Variants in COL4A5 observed in about 807,000 individuals in gnomAD.
The protein encoded by COL4A5 is collagen alpha-5(IV) chain.
COL4A5 carries 26 observed loss-of-function variants against 130.2 expected under a neutral mutation model. The observed-to-expected ratio is 0.20, with a 90% CI of 0.15 to 0.28. COL4A5 has a LOEUF of 0.28. Ranked by LOEUF, COL4A5 falls within the 10% of genes least tolerant of loss-of-function variation. COL4A5 has a pLI of 1.00. For missense variants in COL4A5, 1,131 were observed against 1,344.3 expected, an observed-to-expected ratio of 0.84 and a Z score of 2.48; for synonymous variants, 496 against 439.6, an observed-to-expected ratio of 1.13 and a Z score of -1.60.
chrX:108,695,022 A>G (rs1256677436), intron 51 of COL4A5, 101 bp downstream of exon 51: 4 of 729,468 alleles, frequency 5.5e-6, no homozygotes, highest in Non-Finnish European at 8.6e-6. Context: ...CATAATAAGA[A>G]GCTTAAACTT....
At chrX:108,463,138 C>G (rs1478477872) in intron 1 of COL4A5, 1 of 111,622 alleles carries the variant, frequency 9.0e-6, no homozygotes, top group Non-Finnish European at 1.9e-5. Context: ...CTTTAAGATA[C>G]AAATTCCTTC....
At chrX:108,641,619 G>A (rs773581640) in intron 36 of COL4A5, among the ~76,000 whole-genome samples, 23 of 111,987 alleles carry the variant, frequency 2.1e-4, no homozygotes, top group South Asian at 1.9e-3. Context: ...AATACACACC[G>A]CCACTGGAGA....
At chrX:108,458,689 G>A (rs984614783) in intron 1 of COL4A5, among the ~76,000 whole-genome samples, 2 of 111,866 alleles carry the variant, frequency 1.8e-5, no homozygotes, top group African/African-American at 6.5e-5. Flanking sequence ...CGTTTATTAA[G>A]ATCATCTTTG....
chrX:108,691,574 G>A lies in COL4A5; in HGVS notation c.4529-1174G>A, dbSNP rs1039276420. On this transcript the variant is annotated intron_variant, in intron 49 of 52. Transcript: ENST00000328300. ...CAGGTCAAAATAAAACATTTAACAC[G>A]TAAAGTCTTATAGTCACAAAGTTTT... is the stretch of plus-strand genomic sequence containing the variant. Among the ~76,000 whole-genome samples, 15 of 110,404 alleles carry A rather than the reference G, an allele frequency of 1.4e-4. 1 individual carries two copies. The highest frequency in any genetic ancestry group is 1.1e-3 in the Admixed American group (11 of 10,307).
intron 34 of COL4A5, 24 bp downstream of exon 34, chrX:108,624,358 G>A (rs1455685328): frequency 1.4e-5 from 15 of 1,046,485 alleles, no homozygotes; most frequent in African/African-American, 1.8e-5. Flanking sequence ...GCCATTTGTA[G>A]CAATTGCTTA....
intron 1 of COL4A5, among the ~76,000 whole-genome samples, chrX:108,536,407 C>T (rs2065457956): frequency 1.8e-5 from 2 of 110,890 alleles, no homozygotes; most frequent in Non-Finnish European, 1.9e-5. Flanking sequence ...TTTCCTTACT[C>T]ATTTATTACT....
intron 1 of COL4A5, among the ~76,000 whole-genome samples, chrX:108,517,956 G>T (rs1447424323): frequency 1.8e-5 from 2 of 110,309 alleles, no homozygotes; most frequent in Non-Finnish European, 3.8e-5. Flanking sequence ...GGGTTTTAAA[G>T]TTCTTCTGGG....
Position 108,620,246 on chromosome X carries a change from T to C in COL4A5, c.2510-13T>C, listed in dbSNP as rs1429791510. 1 of 1,184,014 alleles carries C rather than the reference T, an allele frequency of 8.4e-7. No homozygotes were observed. Among genetic ancestry groups the C allele is most frequent in the Admixed American group, 2.2e-5 (1 of 45,889 alleles). ...GCTTCAGTACTTATTAATATTGATA[T>C]TGTATTAACTAGGTTTACATGGAAT... On this transcript the variant is annotated splice_polypyrimidine_tract_variant and intron_variant, in intron 30 of 52. Transcript: ENST00000328300.
intron 49 of COL4A5, among the ~76,000 whole-genome samples, chrX:108,688,416 TTTG>T (rs765508920): frequency 9.1e-6 from 1 of 109,455 alleles, no homozygotes; most frequent in Non-Finnish European, 1.9e-5. Context: ...GGGGCTGCAT[TTTG>T]TTGTTGTTGT....
intron 1 of COL4A5, among the ~76,000 whole-genome samples, chrX:108,458,267 C>A (rs1184455082): frequency 9.0e-6 from 1 of 111,474 alleles, no homozygotes. Flanking sequence ...CAGTTTTTAT[C>A]CCATGTGTTT....
At chrX:108,567,034 C>T (rs747698918) in intron 4 of COL4A5, among the ~76,000 whole-genome samples, 7 of 111,651 alleles carry the variant, frequency 6.3e-5, no homozygotes, top group Admixed American at 1.9e-4. Flanking sequence ...TTCTTATTTG[C>T]TTTTTCCTAC....
In COL4A5 at chrX:108,531,905, A is replaced by T. The variant is rs771503632; in HGVS notation, c.82-7841A>T. On this transcript the variant is annotated intron_variant, in intron 1 of 52. Transcript: ENST00000328300. ...GAATCAGGAAGAAATAGAAAACCTG[A>T]ACAGACCAATAATGAGTAGTGAGAT... is the stretch of plus-strand genomic sequence containing the variant. Among the ~76,000 whole-genome samples the T allele has an allele frequency of 5.4e-5, 6 of 111,815 alleles. No individual in the cohort carries two copies. In the East Asian group the frequency reaches 1.7e-3, roughly 31 times the overall value.
chrX:108,484,253 A>C (rs1469311603), intron 1 of COL4A5, among the ~76,000 whole-genome samples: 1 of 112,160 alleles, frequency 8.9e-6, no homozygotes, highest in Admixed American at 9.5e-5. Context: ...GAGATTCCTC[A>C]TCACATCTAT....
chrX:108,662,975 A>G (rs1292683832), intron 37 of COL4A5, among the ~76,000 whole-genome samples: 1 of 112,312 alleles, frequency 8.9e-6, no homozygotes, highest in Non-Finnish European at 1.9e-5. Context: ...CAAGGCTTTT[A>G]TCACCTAGTG....
intron 1 of COL4A5, among the ~76,000 whole-genome samples, chrX:108,470,878 A>G (rs190045461): frequency 4.8e-4 from 54 of 111,752 alleles, no homozygotes; most frequent in African/African-American, 1.3e-3. Flanking sequence ...GTCAGTTATC[A>G]CAGCACCATT....
intron 9 of COL4A5, among the ~76,000 whole-genome samples, chrX:108,575,694 G>A (rs970679860): frequency 4.5e-5 from 5 of 111,598 alleles, no homozygotes; most frequent in South Asian, 3.8e-4. Flanking sequence ...ATAATTAGCC[G>A]GACCTGGTGG....
chrX:108,458,480 T>C (rs903763919), intron 1 of COL4A5, among the ~76,000 whole-genome samples: 1 of 111,810 alleles, frequency 8.9e-6, no homozygotes, highest in African/African-American at 3.2e-5. Context: ...ATTTGTTCTT[T>C]TCATATTTTG....
intron 36 of COL4A5, among the ~76,000 whole-genome samples, chrX:108,629,100 A>C (rs993856282): frequency 9.0e-6 from 1 of 111,644 alleles, no homozygotes; most frequent in East Asian, 2.8e-4. Context: ...GTCATACAAA[A>C]ACCCTGAGGT....
chrX:108,552,112 T>C (rs2065761794), intron 2 of COL4A5, among the ~76,000 whole-genome samples: 1 of 111,459 alleles, frequency 9.0e-6, no homozygotes, highest in African/African-American at 3.3e-5. Flanking sequence ...CGACACTCAC[T>C]ACCTGGGTGA....
Sources: gnomAD v4.1 joint callset for allele counts (sites outside exome capture counted in the v4.1 genomes callset) on GRCh38, gnomAD v4.1.1 for gene constraint, MANE v1.5 for transcripts, NCBI Gene and HGNC (gene_info 2026-07-23, HGNC 2026-07-21) for gene names.